PTPRG: variants seen among roughly 807,000 people sequenced by gnomAD.
The protein encoded by PTPRG is receptor-type tyrosine-protein phosphatase gamma.
Under a neutral mutation model 165.3 loss-of-function variants are expected in PTPRG, and 102 were observed. The ratio of observed to expected loss-of-function variants is 0.62; its 90% CI spans 0.53 to 0.73. The LOEUF is 0.73. Among genes scored for constraint, PTPRG ranks in the 30% least tolerant of loss-of-function variants. PTPRG has a pLI of 0.00. For missense variants in PTPRG, 1,866 were observed against 1,861.4 expected (o/e 1.00, Z -0.05); for synonymous variants, 675 against 669.5 (o/e 1.01, Z -0.13).
At chr3:61,767,609 T>C (rs1246320492) in intron 2 of PTPRG, among the ~76,000 whole-genome samples, 25 of 152,240 alleles carry the variant, frequency 1.6e-4, no homozygotes, top group Admixed American at 1.6e-3. Context: ...AGAAAATATA[T>C]ACATTTTCAG....
intron 1 of PTPRG, among the ~76,000 whole-genome samples, chr3:61,640,006 C>G (rs962618404): frequency 2.0e-5 from 3 of 152,196 alleles, no homozygotes; most frequent in Admixed American, 1.3e-4. Context: ...AAAAACTCAA[C>G]ACATACTAAG....
At chr3:62,167,253 C>T (rs540518413) in intron 7 of PTPRG, among the ~76,000 whole-genome samples, 12 of 152,196 alleles carry the variant, frequency 7.9e-5, no homozygotes, top group African/African-American at 2.6e-4. Context: ...AGTTCATCTC[C>T]GATTACCCAT....
intron 1 of PTPRG, among the ~76,000 whole-genome samples, chr3:61,596,778 G>GTTT (rs869112190): frequency 9.3e-5 from 13 of 140,204 alleles, no homozygotes; most frequent in African/African-American, 3.7e-4. Flanking sequence ...GTCTCAATTA[G>GTTT]TTTATTATTA....
chr3:62,049,208 G>A (rs1700394080), intron 4 of PTPRG, among the ~76,000 whole-genome samples: 1 of 151,944 alleles, frequency 6.6e-6, no homozygotes, highest in South Asian at 2.1e-4. Flanking sequence ...GCTATTCCCT[G>A]TCCACTTAAG....
At chr3:62,072,645 G>C (rs953814107) in intron 4 of PTPRG, among the ~76,000 whole-genome samples, 2 of 148,966 alleles carry the variant, frequency 1.3e-5, no homozygotes, top group Admixed American at 6.7e-5. Context: ...GTGTGTGTGT[G>C]TTTTATGTAT....
intron 1 of PTPRG, among the ~76,000 whole-genome samples, chr3:61,734,607 G>A (rs949187304): frequency 2.6e-5 from 4 of 152,052 alleles, no homozygotes; most frequent in Non-Finnish European, 4.4e-5. Context: ...TGTCTTTCTC[G>A]TTTGCTGTCT....
At chr3:61,669,884 G>T (rs1287901738) in intron 1 of PTPRG, among the ~76,000 whole-genome samples, 3 of 152,172 alleles carry the variant, frequency 2.0e-5, no homozygotes, top group African/African-American at 2.4e-5. Flanking sequence ...TTGAATGCAG[G>T]TGGTGATCAG....
chr3:62,003,345 A>G lies in PTPRG; in HGVS notation c.371-4A>G. 1 of 1,610,886 alleles carries G rather than the reference A, an allele frequency of 6.2e-7. No individual in the cohort carries two copies. The highest frequency in any genetic ancestry group is 8.5e-7 in the Non-Finnish European group (1 of 1,179,052). On this transcript the variant is annotated splice_polypyrimidine_tract_variant and splice_region_variant and intron_variant, in intron 3 of 29. Transcript: ENST00000474889. ...TTTCCTCTCTTCTCATTTGTTTCAC[A>G]CAGTCGCCATCCTTCTGAAAGACGA...
Position 61,962,161 on chromosome 3 carries a change from T to C in PTPRG, c.191-27464T>C, listed in dbSNP as rs115640744. ...AGCTTCTCTAAGCCTAAGAAATACATGGTGAGAGGGATGTGTCTCTAAGAA... is the reference window on the plus strand; with the variant it reads ...AGCTTCTCTAAGCCTAAGAAATACACGGTGAGAGGGATGTGTCTCTAAGAA... On this transcript the variant is annotated intron_variant, in intron 2 of 29. Coordinates refer to ENST00000474889, the MANE Select transcript of PTPRG (RefSeq NM_002841.4). 2.0e-3 allele frequency among the ~76,000 whole-genome samples: 308 copies of C among 152,262 alleles called. 2 individuals are homozygous for C. Among genetic ancestry groups the C allele is most frequent in the Middle Eastern group, 0.014 (4 of 294 alleles).
chr3:62,078,346 C>T (rs2106753591), intron 5 of PTPRG, 88 bp downstream of exon 5: 4 of 847,104 alleles, frequency 4.7e-6, no homozygotes, highest in Non-Finnish European at 7.4e-6. Context: ...ATGAATGCAT[C>T]TGTTTTCTAG....
intron 2 of PTPRG, among the ~76,000 whole-genome samples, chr3:61,889,054 T>C (rs1413326789): frequency 6.6e-6 from 1 of 152,232 alleles, no homozygotes; most frequent in African/African-American, 2.4e-5. Context: ...GTAAAGCTAA[T>C]AATGTTTTCT....
intron 16 of PTPRG, among the ~76,000 whole-genome samples, chr3:62,257,007 G>C (rs1239726153): frequency 6.6e-6 from 1 of 152,154 alleles, no homozygotes; most frequent in African/African-American, 2.4e-5. Context: ...ACTTATGGGA[G>C]TGGAATGGGG....
At chr3:61,866,113 A>T (rs3897763) in intron 2 of PTPRG, among the ~76,000 whole-genome samples, 1 of 152,144 alleles carries the variant, frequency 6.6e-6, no homozygotes, top group Non-Finnish European at 1.5e-5. Flanking sequence ...GCCTGCTCAT[A>T]TGTGATATGG....
chr3:61,721,854 A>G (rs2032060174), intron 1 of PTPRG, among the ~76,000 whole-genome samples: 1 of 152,144 alleles, frequency 6.6e-6, no homozygotes, highest in Non-Finnish European at 1.5e-5. Context: ...TTTCCAGACA[A>G]TCAGCGACCA....
chr3:62,144,401 G>C (rs189232693), intron 6 of PTPRG, among the ~76,000 whole-genome samples: 2 of 152,286 alleles, frequency 1.3e-5, no homozygotes, highest in Admixed American at 1.3e-4. Flanking sequence ...TGAGGGTTCT[G>C]TTTTAATGTT....
chr3:61,816,064 G>A (rs148823723), intron 2 of PTPRG, among the ~76,000 whole-genome samples: 1 of 152,224 alleles, frequency 6.6e-6, no homozygotes, highest in African/African-American at 2.4e-5. Context: ...TTTTAAGTTT[G>A]TTATGAAATC....
At chr3:62,265,419 G>T (rs1406693005) in intron 17 of PTPRG, among the ~76,000 whole-genome samples, 1 of 151,828 alleles carries the variant, frequency 6.6e-6, no homozygotes, top group Non-Finnish European at 1.5e-5. Context: ...TTTATTTTTG[G>T]ATTGCTCATT....
intron 1 of PTPRG, among the ~76,000 whole-genome samples, chr3:61,624,036 G>A (rs1290485524): frequency 6.6e-6 from 1 of 152,144 alleles, no homozygotes; most frequent in Non-Finnish European, 1.5e-5. Context: ...AGCAGCCACT[G>A]AACTCAGGAG....
chr3:61,844,055 C>T (rs1227864937), intron 2 of PTPRG, among the ~76,000 whole-genome samples: 7 of 151,746 alleles, frequency 4.6e-5, no homozygotes, highest in African/African-American at 1.7e-4. Context: ...ATTCCGCCTC[C>T]CGGTTTCAAG....
Sources: gnomAD v4.1 joint callset for allele counts (sites outside exome capture counted in the v4.1 genomes callset) on GRCh38, gnomAD v4.1.1 for gene constraint, MANE v1.5 for transcripts, NCBI Gene and HGNC (gene_info 2026-07-23, HGNC 2026-07-21) for gene names.